The following GNAO1 variants were observed in gnomAD, a reference collection of about 807,000 sequenced individuals.
GNAO1 encodes guanine nucleotide-binding protein G(o) subunit alpha.
For missense variants in GNAO1, 166 were observed against 478.7 expected, an observed-to-expected ratio of 0.35 and a Z score of 6.10; for synonymous variants, 164 against 180.7, an observed-to-expected ratio of 0.91 and a Z score of 0.74.
intron 8 of GNAO1, chr16:56,355,810 T>C (rs1342973339): frequency 6.6e-6 from 1 of 152,174 alleles, no homozygotes; most frequent in East Asian, 1.9e-4. Flanking sequence ...ACCTGCAGAG[T>C]TGAAACCAGC....
At chr16:56,253,997 A>G (rs1449707681) in intron 2 of GNAO1, among the ~76,000 whole-genome samples, 2 of 152,034 alleles carry the variant, frequency 1.3e-5, no homozygotes, top group African/African-American at 4.8e-5. Context: ...CCTTTTCTTC[A>G]AATCTGGTTT....
intron 3 of GNAO1, among the ~76,000 whole-genome samples, chr16:56,310,899 C>T (rs968119480): frequency 6.6e-6 from 1 of 152,050 alleles, no homozygotes; most frequent in African/African-American, 2.4e-5. Flanking sequence ...ACCACCACCC[C>T]CTAGGATTTT....
At chr16:56,228,450 CAT>C (rs1360812498) in intron 2 of GNAO1, among the ~76,000 whole-genome samples, 1 of 149,340 alleles carries the variant, frequency 6.7e-6, no homozygotes, top group African/African-American at 2.5e-5. Context: ...TATATATATA[CAT>C]ATATATTTAT....
At chr16:56,274,557 C>T (rs1205462880) in intron 2 of GNAO1, among the ~76,000 whole-genome samples, 1 of 152,146 alleles carries the variant, frequency 6.6e-6, no homozygotes, top group Non-Finnish European at 1.5e-5. Context: ...TGTGGTACAT[C>T]CATACAGTGG....
chr16:56,352,516 G>T, intron 7 of GNAO1: 1 of 152,506 alleles, frequency 6.6e-6, no homozygotes, highest in Non-Finnish European at 1.5e-5. Context: ...CATCCGCCAG[G>T]TCAGGGCACA....
intron 3 of GNAO1, among the ~76,000 whole-genome samples, chr16:56,293,465 T>A (rs2037252484): frequency 6.6e-6 from 1 of 152,192 alleles, no homozygotes; most frequent in African/African-American, 2.4e-5. Context: ...GGATTGCCCT[T>A]CTGATATGAA....
chr16:56,337,910 T>C (rs565935196), intron 6 of GNAO1, among the ~76,000 whole-genome samples: 1 of 152,308 alleles, frequency 6.6e-6, no homozygotes, highest in East Asian at 1.9e-4. Context: ...CTGGCGTCTG[T>C]CATCTCCTTC....
Position 56,351,105 on chromosome 16 carries a change from G to A in GNAO1, c.724-279G>A, listed in dbSNP as rs1319374727. ...TCACATAGCTGGGAACTCTGCAGTG[G>A]GGAGAGCCCGGGTCACCCTGTCCTC... On this transcript the variant is annotated intron_variant, in intron 6 of 8. Coordinates refer to ENST00000262493, the MANE Select transcript of GNAO1 (RefSeq NM_020988.3). This position sits in a 1 kb window ranked among gnomAD's most constrained non-coding sequence, Gnocchi z 6.1. 6.6e-6 allele frequency among the ~76,000 whole-genome samples: 1 copy of A among 152,208 alleles called. No homozygotes were observed. Among genetic ancestry groups the A allele is most frequent in the African/African-American group, 2.4e-5 (1 of 41,456 alleles).
rs971481382 is a variant in GNAO1, at chr16:56,260,252, T to C, written c.162-15679T>C. ...CTACTGTGGCGTGGCTAAGTGACAA[T>C]GGGCAGTGTGGGCTGTGGGCCTTTT... is the stretch of plus-strand genomic sequence containing the variant. On this transcript the variant is annotated intron_variant, in intron 2 of 8. Transcript: ENST00000262493. Among the ~76,000 whole-genome samples, 16 of 152,282 alleles carry C rather than the reference T, an allele frequency of 1.1e-4. No homozygotes were observed. The East Asian group carries it at 2.7e-3, about 26-fold the overall frequency.
intron 3 of GNAO1, among the ~76,000 whole-genome samples, chr16:56,325,242 C>T (rs919279181): frequency 6.6e-6 from 1 of 152,188 alleles, no homozygotes; most frequent in Non-Finnish European, 1.5e-5. Flanking sequence ...TTTGGGAGGC[C>T]AAGGCGGGTG....
At chr16:56,306,590 C>T (rs1462686545) in intron 3 of GNAO1, among the ~76,000 whole-genome samples, 1 of 152,220 alleles carries the variant, frequency 6.6e-6, no homozygotes, top group Non-Finnish European at 1.5e-5. Context: ...GACCAGCCTC[C>T]AGTCACTGCC....
intron 2 of GNAO1, among the ~76,000 whole-genome samples, chr16:56,202,512 C>T (rs2036289964): frequency 6.6e-6 from 1 of 152,108 alleles, no homozygotes; most frequent in African/African-American, 2.4e-5. Flanking sequence ...TTATCCAGAT[C>T]CCTGATGAAT....
chr16:56,270,050 CAG>C (rs2037001534), intron 2 of GNAO1, among the ~76,000 whole-genome samples: 1 of 152,140 alleles, frequency 6.6e-6, no homozygotes, highest in Non-Finnish European at 1.5e-5. Context: ...CCTAAGGCAG[CAG>C]AGAGAGAAAT....
intron 2 of GNAO1, among the ~76,000 whole-genome samples, chr16:56,210,721 G>A (rs184895692): frequency 6.6e-6 from 1 of 152,308 alleles, no homozygotes; most frequent in Non-Finnish European, 1.5e-5. Context: ...ATCTCCTTTG[G>A]TGAGGTGTCT....
At chr16:56,337,470 C>G (rs57594112) in intron 6 of GNAO1, among the ~76,000 whole-genome samples, 53,625 of 152,056 alleles carry the variant, frequency 0.35, 9,784 homozygotes, top group South Asian at 0.41. Context: ...CCAGACCAGG[C>G]TCCTACCTTC....
chr16:56,336,585 G>A (rs2037742233), intron 5 of GNAO1, 146 bp from the exon 6 acceptor site: 3 of 663,472 alleles, frequency 4.5e-6, no homozygotes, highest in South Asian at 3.9e-5. Context: ...ATCACCTGGA[G>A]TGACAAGGTC....
At chr16:56,348,968 C>A (rs1229815099) in intron 6 of GNAO1, among the ~76,000 whole-genome samples, 1 of 152,330 alleles carries the variant, frequency 6.6e-6, no homozygotes, top group African/African-American at 2.4e-5. Context: ...TCTGAGCTCT[C>A]GGAGAGCAGG....
intron 6 of GNAO1, chr16:56,344,220 T>A (rs2037839989): frequency 1.4e-6 from 2 of 1,384,048 alleles, no homozygotes; most frequent in Admixed American, 3.0e-5. Context: ...GAGTGCTTGA[T>A]CGGGAAGCTG....
intron 2 of GNAO1, among the ~76,000 whole-genome samples, chr16:56,232,127 A>T (rs958773790): frequency 6.6e-6 from 1 of 152,086 alleles, no homozygotes; most frequent in African/African-American, 2.4e-5. Flanking sequence ...AAAAAAAAAA[A>T]TGTTTCCTTT....
Sources: allele counts gnomAD v4.1 joint callset (sites outside exome capture counted in the v4.1 genomes callset), GRCh38; gene constraint gnomAD v4.1.1; non-coding constraint Gnocchi (gnomAD v3.1); transcripts MANE v1.5; gene names NCBI Gene and HGNC (gene_info 2026-07-23, HGNC 2026-07-21).